LY96: variants seen among roughly 807,000 people sequenced by gnomAD.
LY96 encodes the protein lymphocyte antigen 96.
LY96 carries 18 observed loss-of-function variants against 18.9 expected under a neutral mutation model. The observed-to-expected ratio is 0.95, with a 90% CI of 0.66 to 1.41. The LOEUF (loss-of-function observed/expected upper bound fraction) is 1.41. LY96 is among the 40% of genes most tolerant of loss of function. The probability of loss-of-function intolerance (pLI) is 0.00; values close to 1 mark genes in which losing one functional copy is unlikely to be tolerated. For synonymous variants in LY96, 66 were observed against 62.6 expected, an observed-to-expected ratio of 1.06 and a Z score of -0.26; for missense variants, 175 against 182.4, an observed-to-expected ratio of 0.96 and a Z score of 0.23.
the LY96 span, among the ~76,000 whole-genome samples, chr8:74,094,125 C>G: frequency 6.6e-6 from 1 of 151,822 alleles, no homozygotes; most frequent in African/African-American, 2.4e-5. Flanking sequence ...AAGAAAGGAC[C>G]AGCAATTTAC....
the LY96 span, among the ~76,000 whole-genome samples, chr8:74,041,826 G>T: frequency 6.6e-6 from 1 of 152,176 alleles, no homozygotes; most frequent in African/African-American, 2.4e-5. Flanking sequence ...ACCCTTATCA[G>T]TAGTTCTGTT....
At chr8:74,027,482 T>C (rs748953296) in intron 4 of LY96, among the ~76,000 whole-genome samples, 1 of 151,922 alleles carries the variant, frequency 6.6e-6, no homozygotes, top group Non-Finnish European at 1.5e-5. Context: ...TTTTTTTATT[T>C]TTAGTAGAGA....
At chr8:74,068,102 A>ATATATATATATATATATATATATAT in the LY96 span, among the ~76,000 whole-genome samples, 5 of 139,304 alleles carry the variant, frequency 3.6e-5, no homozygotes, top group African/African-American at 8.5e-5. Flanking sequence ...ATATATATAT[A>ATATATATATATATATATATATATAT]ACATTTCCTT....
chr8:74,079,636 A>C, the LY96 span: 1 of 152,190 alleles, frequency 6.6e-6, no homozygotes, highest in African/African-American at 2.4e-5. Flanking sequence ...GAAGTGTTTA[A>C]TTTAAAAAAT....
chr8:74,077,726 TA>T, the LY96 span, among the ~76,000 whole-genome samples: 6 of 151,686 alleles, frequency 4.0e-5, no homozygotes, highest in African/African-American at 1.5e-4. Context: ...TATAAATATG[TA>T]AAAATTAAAT....
the LY96 span, among the ~76,000 whole-genome samples, chr8:74,096,936 G>A: frequency 6.6e-6 from 1 of 152,200 alleles, no homozygotes; most frequent in Non-Finnish European, 1.5e-5. Context: ...TTCTGGGAGA[G>A]AGAAAAAGAG....
chr8:74,076,325 C>T, the LY96 span, among the ~76,000 whole-genome samples: 33 of 151,200 alleles, frequency 2.2e-4, no homozygotes, highest in African/African-American at 7.8e-4. Flanking sequence ...ACAACCAAGA[C>T]ACTTTTTTTT....
At chr8:74,073,439 T>A in the LY96 span, among the ~76,000 whole-genome samples, 1 of 152,176 alleles carries the variant, frequency 6.6e-6, no homozygotes, top group African/African-American at 2.4e-5. Context: ...GTCTAAGCAT[T>A]TTTAATGCAC....
the LY96 span, among the ~76,000 whole-genome samples, chr8:74,045,186 C>A: frequency 8.5e-5 from 13 of 152,324 alleles, no homozygotes; most frequent in South Asian, 2.1e-3. Context: ...TCCCTGTCTT[C>A]AGGGCATTCA....
the LY96 span, among the ~76,000 whole-genome samples, chr8:74,081,988 C>T: frequency 6.6e-6 from 1 of 152,212 alleles, no homozygotes; most frequent in Non-Finnish European, 1.5e-5. Context: ...GGAGATTGAG[C>T]ACAATCTTAG....
chr8:74,005,955 C>T (rs1563712610), intron 2 of LY96, among the ~76,000 whole-genome samples: 1 of 152,122 alleles, frequency 6.6e-6, no homozygotes, highest in Non-Finnish European at 1.5e-5. Context: ...TAAACATTTT[C>T]CCCCGATTTT....
At chr8:74,054,675 T>TC in the LY96 span, among the ~76,000 whole-genome samples, 109 of 146,346 alleles carry the variant, frequency 7.4e-4, no homozygotes, top group East Asian at 0.014. Flanking sequence ...TTTCTTTCTT[T>TC]TTATTTGAGA....
chr8:74,090,436 T>C, the LY96 span, among the ~76,000 whole-genome samples: 1 of 152,212 alleles, frequency 6.6e-6, no homozygotes, highest in Non-Finnish European at 1.5e-5. Context: ...TAAGTTCTTA[T>C]AATAGAGCTA....
chr8:74,000,808 G>A lies in LY96; in HGVS notation c.113-3988G>A, dbSNP rs958182993. ...TGGTTGTTGAGAAATCCAACATTGA[G>A]GCATTGCATCTAGCAATGGTCTTCT... On this transcript the variant is annotated intron_variant, in intron 1 of 4. Transcript: ENST00000284818. Among the ~76,000 whole-genome samples the A allele has an allele frequency of 3.3e-5, 5 of 152,300 alleles. No homozygotes were observed. The East Asian group carries it at 9.6e-4, about 29-fold the overall frequency.
chr8:74,001,022 C>A (rs1376299321), intron 1 of LY96, among the ~76,000 whole-genome samples: 3 of 152,192 alleles, frequency 2.0e-5, no homozygotes, highest in Admixed American at 2.0e-4. Context: ...AGAGGTTCCA[C>A]CCCTCAACAC....
At chr8:73,991,586 C>A in intron 1 of LY96, 32 bp downstream of exon 1, 1 of 1,273,072 alleles carries the variant, frequency 7.9e-7, no homozygotes, top group Non-Finnish European at 1.1e-6. Flanking sequence ...ATAATTGTAG[C>A]ATCAACTATT....
At chr8:74,071,810 T>C in the LY96 span, among the ~76,000 whole-genome samples, 1 of 152,236 alleles carries the variant, frequency 6.6e-6, no homozygotes, top group South Asian at 2.1e-4. Flanking sequence ...TCCTCAACAT[T>C]ATGTTACTAA....
the LY96 span, among the ~76,000 whole-genome samples, chr8:74,040,777 A>G: frequency 1.4e-5 from 2 of 138,054 alleles, no homozygotes; most frequent in Non-Finnish European, 3.0e-5. Context: ...ATCTCAGCTC[A>G]CTGCAACCTC....
intron 3 of LY96, among the ~76,000 whole-genome samples, chr8:74,017,590 A>C (rs549563757): frequency 1.3e-5 from 2 of 152,330 alleles, no homozygotes; most frequent in Admixed American, 1.3e-4. Context: ...ACCCCAAGAC[A>C]GATAATTGTC....
Sources: allele counts gnomAD v4.1 joint callset (sites outside exome capture counted in the v4.1 genomes callset), GRCh38; gene constraint gnomAD v4.1.1; transcripts MANE v1.5; gene names NCBI Gene and HGNC (gene_info 2026-07-23, HGNC 2026-07-21).